The following PTPRC variants were observed in gnomAD, a reference collection of about 807,000 sequenced individuals.
PTPRC encodes the protein protein tyrosine phosphatase receptor type C.
PTPRC carries 44 observed loss-of-function variants against 155.9 expected under a neutral mutation model. The ratio of observed to expected loss-of-function variants is 0.28; its 90% confidence interval spans 0.22 to 0.36. The LOEUF (loss-of-function observed/expected upper bound fraction) is 0.36, where lower values mean the gene tolerates loss of function less well. PTPRC is among the 10% of genes least tolerant of loss of function. The pLI, the probability that PTPRC is intolerant of heterozygous loss-of-function variation, is 1.00. For missense variants in PTPRC, 1,401 were observed against 1,564.6 expected, an observed-to-expected ratio of 0.90 and a Z score of 1.76; for synonymous variants, 525 against 533.1, an observed-to-expected ratio of 0.98 and a Z score of 0.21.
intron 2 of PTPRC, among the ~76,000 whole-genome samples, chr1:198,690,191 T>C (rs1043665319): frequency 6.6e-6 from 1 of 152,194 alleles, no homozygotes; most frequent in Non-Finnish European, 1.5e-5. Flanking sequence ...TTTGGTGATA[T>C]GTTTTGTTCT....
chr1:198,680,528 G>T (rs1341311990), intron 2 of PTPRC, among the ~76,000 whole-genome samples: 1 of 151,758 alleles, frequency 6.6e-6, no homozygotes, highest in Non-Finnish European at 1.5e-5. Flanking sequence ...AAAGTTCAGA[G>T]GAATTGATGT....
intron 2 of PTPRC, among the ~76,000 whole-genome samples, chr1:198,674,000 G>A (rs1664798081): frequency 6.6e-6 from 1 of 152,162 alleles, no homozygotes; most frequent in Non-Finnish European, 1.5e-5. Flanking sequence ...CTTCTTAGTA[G>A]ACTTTTGTTG....
intron 17 of PTPRC, among the ~76,000 whole-genome samples, chr1:198,729,752 C>G (rs1654303874): frequency 6.6e-6 from 1 of 152,104 alleles, no homozygotes; most frequent in South Asian, 2.1e-4. Context: ...GCAGATATCT[C>G]AACAAATATG....
intron 24 of PTPRC, 64 bp from the exon 25 acceptor site, chr1:198,742,168 T>C: frequency 1.9e-6 from 3 of 1,609,010 alleles, no homozygotes; most frequent in Non-Finnish European, 2.6e-6. Context: ...GATTCTTATA[T>C]TGGCTTCACA....
At chr1:198,641,482 A>G (rs1662579244) in intron 2 of PTPRC, among the ~76,000 whole-genome samples, 1 of 152,078 alleles carries the variant, frequency 6.6e-6, no homozygotes, top group South Asian at 2.1e-4. Flanking sequence ...AACTCTATGC[A>G]TAATTCAAAT....
chr1:198,668,132 G>A (rs1360667510), intron 2 of PTPRC, among the ~76,000 whole-genome samples: 1 of 152,152 alleles, frequency 6.6e-6, no homozygotes, highest in Non-Finnish European at 1.5e-5. Flanking sequence ...CAAAAACAGT[G>A]AAAGCCAGCC....
rs977524211 is a variant in PTPRC at position 198,756,156 on chromosome 1, G to A, written c.3896G>A (p.Ser1299Asn). Reference sequence around the variant, plus strand: ...GAACATTCTGTCAATGGTCCTGCAAGTCCAGCTTTAAATCAAGGTTCATAG... The same window carrying A: ...GAACATTCTGTCAATGGTCCTGCAAATCCAGCTTTAAATCAAGGTTCATAG... ...GPEHSVNGPA[S>N]PALNQGS is the part of the protein sequence containing the mutation. Residue 1299 changes from serine to asparagine, a missense_variant, in exon 33 of 33, where the codon AGT becomes AAT. Coordinates refer to ENST00000442510, the MANE Select transcript of PTPRC (RefSeq NM_002838.5). 9 of 1,613,134 alleles carry A rather than the reference G, an allele frequency of 5.6e-6. No homozygotes were observed. In the African/African-American group the frequency reaches 1.1e-4, roughly 19 times the overall value.
At chr1:198,658,353 T>C (rs1416797253) in intron 2 of PTPRC, among the ~76,000 whole-genome samples, 2 of 152,136 alleles carry the variant, frequency 1.3e-5, no homozygotes, top group African/African-American at 4.8e-5. Flanking sequence ...ATAGTAAAAA[T>C]GGCAAAATAT....
In PTPRC at chr1:198,732,312, G is replaced by T. The variant is rs1420379983; in HGVS notation, c.1987G>T (p.Val663Leu). The change falls in exon 19 of 33, where the codon GTG becomes TTG. Residue 663 changes from valine to leucine, a missense_variant. By Grantham distance (32) the Val-to-Leu change is conservative (BLOSUM62 1). Coordinates refer to ENST00000442510, the MANE Select transcript of PTPRC (RefSeq NM_002838.5). ...TTGTTTCTTTCAGAGCATCCCGCGGGTGTTCAGCAAGTTTCCTATAAAGGA... is the reference window on the plus strand; with the variant it reads ...TTGTTTCTTTCAGAGCATCCCGCGGTTGTTCAGCAAGTTTCCTATAAAGGA... ...FLAEFQSIPR[V>L]FSKFPIKEAR... is the part of the protein sequence containing the mutation. 4 of 1,612,136 alleles carry T rather than the reference G, an allele frequency of 2.5e-6. No individual in the cohort carries two copies. The highest frequency in any genetic ancestry group is 3.4e-6 in the Non-Finnish European group (4 of 1,178,730).
intron 2 of PTPRC, among the ~76,000 whole-genome samples, chr1:198,655,022 T>G (rs2102228597): frequency 6.6e-6 from 1 of 152,096 alleles, no homozygotes; most frequent in Non-Finnish European, 1.5e-5. Context: ...TTAGATTGCA[T>G]GGATACAATC....
intron 23 of PTPRC, 36 bp downstream of exon 23, chr1:198,735,288 CT>C: frequency 2.0e-6 from 3 of 1,490,472 alleles, no homozygotes; most frequent in Non-Finnish European, 1.8e-6. Context: ...TGTTTTGATA[CT>C]TTTTTATAAA....
intron 2 of PTPRC, among the ~76,000 whole-genome samples, chr1:198,686,932 C>A (rs893070785): frequency 2.0e-5 from 3 of 152,162 alleles, no homozygotes; most frequent in Non-Finnish European, 4.4e-5. Context: ...TAATATTTAA[C>A]CATATACTCC....
rs200078132 is a variant in PTPRC at position 198,750,544 on chromosome 1, C to A, written c.3125C>A (p.Thr1042Asn). The change falls in exon 29 of 33, where the codon ACC becomes AAC. Residue 1042 changes from threonine to asparagine, a missense_variant. By Grantham distance (65) the Thr-to-Asn change is moderately conservative. Coordinates refer to ENST00000442510, the MANE Select transcript of PTPRC (RefSeq NM_002838.5). The part of the protein sequence containing the change: ...MIAAQGPLKE[T>N]IGDFWQMIFQ... ...GCTGCTCAGGGACCACTGAAGGAGA[C>A]CATTGGTGACTTTTGGCAGATGATC... 1.7e-5 allele frequency: 28 copies of A among 1,611,820 alleles called. No homozygotes were observed. In the South Asian group the frequency reaches 2.2e-4, roughly 13 times the overall value.
intron 2 of PTPRC, among the ~76,000 whole-genome samples, chr1:198,665,293 G>C (rs536597662): frequency 2.0e-5 from 3 of 150,806 alleles, no homozygotes; most frequent in East Asian, 3.9e-4. Context: ...TAGTAGAGAC[G>C]GGGTTTCACC....
At chr1:198,716,569 C>T in intron 12 of PTPRC, 113 bp from the exon 13 acceptor site, 2 of 899,042 alleles carry the variant, frequency 2.2e-6, no homozygotes, top group African/African-American at 1.7e-5. Context: ...TTTTCAATCA[C>T]TCAATAGTTT....
intron 4 of PTPRC, 91 bp downstream of exon 4, chr1:198,697,000 GCA>G (rs1666236971): frequency 1.7e-6 from 2 of 1,190,638 alleles, no homozygotes; most frequent in South Asian, 2.4e-5. Context: ...TAAATTATTT[GCA>G]CAGTTTCTAA....
intron 2 of PTPRC, among the ~76,000 whole-genome samples, chr1:198,691,779 C>T (rs1665940551): frequency 6.6e-6 from 1 of 152,014 alleles, no homozygotes; most frequent in Non-Finnish European, 1.5e-5. Context: ...ACTCCTTTAC[C>T]AGCCAACCAC....
chr1:198,745,801 G>A (rs886737592), intron 26 of PTPRC, among the ~76,000 whole-genome samples: 2 of 151,618 alleles, frequency 1.3e-5, no homozygotes, highest in African/African-American at 2.4e-5. Context: ...TGATGACTGA[G>A]GTGGAAAATA....
chr1:198,641,418 G>A (rs1180695816), intron 2 of PTPRC, among the ~76,000 whole-genome samples: 1 of 151,980 alleles, frequency 6.6e-6, no homozygotes, highest in Non-Finnish European at 1.5e-5. Context: ...AATTTATATT[G>A]TATGCTGTAA....
Sources: gnomAD v4.1 joint callset for allele counts (sites outside exome capture counted in the v4.1 genomes callset) on GRCh38, gnomAD v4.1.1 for gene constraint, MANE v1.5 for transcripts, NCBI Gene and HGNC (gene_info 2026-07-23, HGNC 2026-07-21) for gene names.